Variants in SLC44A5 observed in about 807,000 individuals in gnomAD.
SLC44A5 encodes choline transporter-like protein 5.
In SLC44A5, 57 loss-of-function variants were observed where a neutral mutation model predicts 101.8. The observed-to-expected ratio is 0.56, with a 90% CI of 0.45 to 0.70. The LOEUF is 0.70. Among genes scored for constraint, SLC44A5 ranks in the 30% least tolerant of loss-of-function variants. The probability of loss-of-function intolerance (pLI) is 0.00; values close to 1 mark genes in which losing one functional copy is unlikely to be tolerated. For synonymous variants in SLC44A5, 281 were observed against 290.9 expected (o/e 0.97, Z 0.35); for missense variants, 737 against 853.1 (o/e 0.86, Z 1.70).
At chr1:75,670,384 C>A in the SLC44A5 span, among the ~76,000 whole-genome samples, 1 of 152,016 alleles carries the variant, frequency 6.6e-6, no homozygotes, top group African/African-American at 2.4e-5. Context: ...CTAAAAAATT[C>A]TAGACAACAC....
chr1:75,689,455 T>C, the SLC44A5 span, among the ~76,000 whole-genome samples: 1 of 152,154 alleles, frequency 6.6e-6, no homozygotes, highest in Non-Finnish European at 1.5e-5. Flanking sequence ...ACTCTGAACT[T>C]TTCTAGGTAT....
chr1:75,649,850 A>G, the SLC44A5 span, among the ~76,000 whole-genome samples: 1 of 152,152 alleles, frequency 6.6e-6, no homozygotes, highest in South Asian at 2.1e-4. Flanking sequence ...AAAAGCAAGG[A>G]CCTAGTGACC....
chr1:75,431,744 G>A (rs1376930305), intron 2 of SLC44A5, among the ~76,000 whole-genome samples: 2 of 152,028 alleles, frequency 1.3e-5, no homozygotes, highest in African/African-American at 2.4e-5. Flanking sequence ...GGTTTTTGAC[G>A]ACATAGCAAA....
chr1:75,256,523 T>TTC (rs1454862183), intron 6 of SLC44A5, among the ~76,000 whole-genome samples: 3 of 152,156 alleles, frequency 2.0e-5, no homozygotes, highest in African/African-American at 7.2e-5. Context: ...TGACAGTGAA[T>TTC]ACAGTTTGTA....
In SLC44A5 at chr1:75,358,271, G is replaced by A. The variant is rs562723840; in HGVS notation, c.53-18641C>T. On this transcript the variant is annotated intron_variant, in intron 3 of 23. Coordinates refer to ENST00000370859, the MANE Select transcript of SLC44A5 (RefSeq NM_001130058.2). ...ATACAGTGAATACATGGGGCACAGG[G>A]GAAAACTGTTATGAATTAAAGATGT... 3.3e-5 allele frequency among the ~76,000 whole-genome samples: 5 copies of A among 152,066 alleles called. No individual in the cohort carries two copies. In the South Asian group the frequency reaches 1.0e-3, roughly 32 times the overall value.
At chr1:75,349,196 C>T (rs1009969375) in intron 3 of SLC44A5, among the ~76,000 whole-genome samples, 3 of 152,026 alleles carry the variant, frequency 2.0e-5, no homozygotes, top group African/African-American at 7.2e-5. Context: ...AAAAATTAGC[C>T]AGTGTGGCAG....
At chr1:75,359,346 C>T (rs138767715) in intron 3 of SLC44A5, among the ~76,000 whole-genome samples, 49 of 150,618 alleles carry the variant, frequency 3.3e-4, no homozygotes, top group African/African-American at 1.1e-3. Context: ...GCCATCCTTC[C>T]TCCTCAGTCT....
chr1:75,678,288 T>A, the SLC44A5 span, among the ~76,000 whole-genome samples: 6 of 152,160 alleles, frequency 3.9e-5, no homozygotes, highest in African/African-American at 1.4e-4. Flanking sequence ...CCTGCCTCTG[T>A]AGGCTCCACC....
In SLC44A5 at chr1:75,272,401, T is replaced by C. The variant is rs968444528; in HGVS notation, c.260+2557A>G. On this transcript the variant is annotated intron_variant, in intron 6 of 23. Coordinates refer to ENST00000370859, the MANE Select transcript of SLC44A5 (RefSeq NM_001130058.2). ...ATATTGTATCATGACCAGTTTGCTTTTATTTTTTTTTTATTTTTGTTTTTG... is the reference window on the plus strand; with the variant it reads ...ATATTGTATCATGACCAGTTTGCTTCTATTTTTTTTTTATTTTTGTTTTTG... Among the ~76,000 whole-genome samples the C allele has an allele frequency of 2.6e-5, 4 of 151,352 alleles. No individual in the cohort carries two copies. The South Asian group carries it at 8.4e-4, about 32-fold the overall frequency.
intron 2 of SLC44A5, among the ~76,000 whole-genome samples, chr1:75,443,650 A>G (rs1300322635): frequency 6.6e-6 from 1 of 152,044 alleles, no homozygotes; most frequent in East Asian, 1.9e-4. Flanking sequence ...TGTGAGGAAC[A>G]TATCTCAATA....
At chr1:75,628,535 A>G in the SLC44A5 span, among the ~76,000 whole-genome samples, 7 of 152,206 alleles carry the variant, frequency 4.6e-5, no homozygotes, top group African/African-American at 1.7e-4. Context: ...TGGCAATAAG[A>G]GAGTTTAAGG....
intron 3 of SLC44A5, among the ~76,000 whole-genome samples, chr1:75,358,148 A>G (rs756284726): frequency 3.9e-5 from 6 of 152,212 alleles, no homozygotes; most frequent in Non-Finnish European, 8.8e-5. Context: ...AAATAAAAAT[A>G]TAAAGAGAAG....
chr1:75,234,182 T>C, intron 11 of SLC44A5, 84 bp from the exon 12 acceptor site: 1 of 821,806 alleles, frequency 1.2e-6, no homozygotes, highest in Non-Finnish European at 2.0e-6. Context: ...TTTTTTTCTA[T>C]TCAAAATTAT....
chr1:75,705,305 TAATAAA>T, the SLC44A5 span, among the ~76,000 whole-genome samples: 1 of 152,322 alleles, frequency 6.6e-6, no homozygotes, highest in Admixed American at 6.5e-5. Flanking sequence ...TATACTATCT[TAATAAA>T]AATGAGTTGC....
At chr1:75,206,242 C>T (rs1265693615) in intron 23 of SLC44A5, 2 of 175,116 alleles carry the variant, frequency 1.1e-5, no homozygotes, top group African/African-American at 4.8e-5. Flanking sequence ...ATTAATTACA[C>T]ATTTATAGTG....
the SLC44A5 span, among the ~76,000 whole-genome samples, chr1:75,689,193 A>G: frequency 6.6e-6 from 1 of 152,308 alleles, no homozygotes; most frequent in South Asian, 2.1e-4. Context: ...CTAGAGCTAG[A>G]AAATTGAGCC....
At chr1:75,376,885 C>T (rs111345796) in intron 3 of SLC44A5, among the ~76,000 whole-genome samples, 15,517 of 152,018 alleles carry the variant, frequency 0.1, 972 homozygotes, top group Admixed American at 0.2. Context: ...CTCTGAGCTA[C>T]GGGAGGACAT....
chr1:75,540,089 C>T (rs1260516606), intron 2 of SLC44A5, among the ~76,000 whole-genome samples: 2 of 152,076 alleles, frequency 1.3e-5, no homozygotes, highest in Non-Finnish European at 2.9e-5. Context: ...ATAATATTGC[C>T]CTGGTAATTC....
At chr1:75,534,806 G>A (rs563556793) in intron 2 of SLC44A5, among the ~76,000 whole-genome samples, 4 of 152,196 alleles carry the variant, frequency 2.6e-5, no homozygotes, top group African/African-American at 9.6e-5. Flanking sequence ...TAAATTATAG[G>A]CAGACATACA....
Sources: gnomAD v4.1 joint callset for allele counts (sites outside exome capture counted in the v4.1 genomes callset) on GRCh38, gnomAD v4.1.1 for gene constraint, MANE v1.5 for transcripts, NCBI Gene and HGNC (gene_info 2026-07-23, HGNC 2026-07-21) for gene names.